RFX3: variants seen among roughly 807,000 people sequenced by gnomAD.
RFX3 encodes transcription factor RFX3.
RFX3 carries 14 observed loss-of-function variants against 98.6 expected under a neutral mutation model. The ratio of observed to expected loss-of-function variants is 0.14; its 90% CI spans 0.09 to 0.22. RFX3 has a LOEUF of 0.22. RFX3 is among the 10% of genes least tolerant of loss of function. The pLI is 1.00. For synonymous variants in RFX3, 383 were observed against 328.4 expected (o/e 1.17, Z -1.80); for missense variants, 639 against 926.9 (o/e 0.69, Z 4.03).
At chr9:3,441,177 CATT>C (rs1429383691) in intron 1 of RFX3, among the ~76,000 whole-genome samples, 5 of 152,076 alleles carry the variant, frequency 3.3e-5, no homozygotes, top group Non-Finnish European at 5.9e-5. Context: ...CCATGTTTCT[CATT>C]GTTGGATAGA....
intron 1 of RFX3, among the ~76,000 whole-genome samples, chr9:3,522,995 C>A (rs575037044): frequency 6.6e-6 from 1 of 152,190 alleles, no homozygotes; most frequent in East Asian, 1.9e-4. Flanking sequence ...ACAAAAAAAA[C>A]TAACCATCAC....
At chr9:3,261,710 G>C (rs113869683) in intron 13 of RFX3, among the ~76,000 whole-genome samples, 65 of 152,130 alleles carry the variant, frequency 4.3e-4, no homozygotes, top group African/African-American at 1.4e-3. Flanking sequence ...TTATCTTTTT[G>C]ACAAACTGCC....
chr9:3,295,652 A>G (rs750473436), intron 5 of RFX3, among the ~76,000 whole-genome samples: 1 of 152,134 alleles, frequency 6.6e-6, no homozygotes, highest in Non-Finnish European at 1.5e-5. Flanking sequence ...AATGCCAAAG[A>G]TATGTTTGTA....
intron 1 of RFX3, among the ~76,000 whole-genome samples, chr9:3,425,910 A>G: frequency 6.6e-6 from 1 of 152,180 alleles, no homozygotes; most frequent in Middle Eastern, 3.2e-3. Context: ...TCTTAATAGC[A>G]TGTTGGAGAT....
chr9:3,247,493 G>A (rs964965569), intron 15 of RFX3: 37 of 705,238 alleles, frequency 5.2e-5, no homozygotes, highest in Middle Eastern at 6.6e-4. Context: ...AAAGTAGAAC[G>A]TATCTCAAAG....
rs143893875 is a variant in RFX3, at chr9:3,295,650, A to C, written c.550-2392T>G. On this transcript the variant is annotated intron_variant, in intron 5 of 16. Transcript: ENST00000617270. The stretch of plus-strand genomic sequence containing the variant: ...AATATGTGTAAGTTAAAAATGCCAA[A>C]GATATGTTTGTAAGTACATCTACAT... Among the ~76,000 whole-genome samples, 486 of 152,260 alleles carry C rather than the reference A, an allele frequency of 3.2e-3. 3 individuals are homozygous for C. The highest frequency in any genetic ancestry group is 0.011 in the African/African-American group (472 of 41,580).
rs144958161 is a variant in RFX3, at chr9:3,358,901, G to A, written c.118-12137C>T. 1.8e-3 allele frequency among the ~76,000 whole-genome samples: 279 copies of A among 152,134 alleles called. 1 individual carries two copies. Among genetic ancestry groups the A allele is most frequent in the African/African-American group, 6.4e-3 (265 of 41,498 alleles). On this transcript the variant is annotated intron_variant, in intron 2 of 16. Transcript: ENST00000617270. ...CCCTTATAAAACCATCAGATCTCAT[G>A]AGAACTCACTCACTAACATGGGAAC...
At chr9:3,278,106 G>GT (rs1825467765) in intron 7 of RFX3, among the ~76,000 whole-genome samples, 1 of 151,818 alleles carries the variant, frequency 6.6e-6, no homozygotes, top group Non-Finnish European at 1.5e-5. Flanking sequence ...TTAAAGTTAT[G>GT]TATCTTCAGG....
intron 2 of RFX3, among the ~76,000 whole-genome samples, chr9:3,388,282 C>T (rs553989364): frequency 2.0e-5 from 3 of 152,092 alleles, no homozygotes; most frequent in Admixed American, 1.3e-4. Flanking sequence ...TTTGTAGATA[C>T]CCAAAATAAA....
chr9:3,225,360 T>C, intron 16 of RFX3, 80 bp from the exon 17 acceptor site: 2 of 1,563,728 alleles, frequency 1.3e-6, no homozygotes, highest in East Asian at 4.5e-5. Flanking sequence ...AGAAACACTT[T>C]AATATAGGAC....
intron 1 of RFX3, among the ~76,000 whole-genome samples, chr9:3,467,988 T>C (rs866352073): frequency 5.9e-5 from 9 of 152,274 alleles, no homozygotes; most frequent in Middle Eastern, 6.8e-3. Context: ...GCCAGAATAT[T>C]TTTTGAGTAC....
At chr9:3,272,713 TTA>T (rs1824662920) in intron 9 of RFX3, among the ~76,000 whole-genome samples, 1 of 152,294 alleles carries the variant, frequency 6.6e-6, no homozygotes, top group Non-Finnish European at 1.5e-5. Flanking sequence ...ACATAATACC[TTA>T]TATAGTTCTA....
At chr9:3,449,275 A>T (rs897479232) in intron 1 of RFX3, among the ~76,000 whole-genome samples, 1 of 152,110 alleles carries the variant, frequency 6.6e-6, no homozygotes, top group African/African-American at 2.4e-5. Context: ...TCAACATTTC[A>T]AAATTACTTC....
intron 3 of RFX3, among the ~76,000 whole-genome samples, 186 bp downstream of exon 3, chr9:3,346,481 A>C (rs1834452945): frequency 6.6e-6 from 1 of 152,210 alleles, no homozygotes; most frequent in Non-Finnish European, 1.5e-5. Context: ...AAGTGAAAGG[A>C]AAATGAGTGC....
At chr9:3,327,712 T>C (rs1015051676) in intron 4 of RFX3, among the ~76,000 whole-genome samples, 2 of 152,128 alleles carry the variant, frequency 1.3e-5, no homozygotes, top group South Asian at 2.1e-4. Flanking sequence ...ACAACTGATA[T>C]TATAAATTGG....
intron 15 of RFX3, among the ~76,000 whole-genome samples, chr9:3,242,024 C>A (rs1342343918): frequency 1.3e-5 from 2 of 152,288 alleles, no homozygotes; most frequent in Non-Finnish European, 2.9e-5. Context: ...GGGAGTTGCA[C>A]ATAATCCCTA....
intron 2 of RFX3, chr9:3,364,321 G>C (rs536913186): frequency 6.5e-6 from 1 of 154,486 alleles, no homozygotes; most frequent in African/African-American, 2.4e-5. Context: ...ATAATCATGG[G>C]ATACACCTTA....
At chr9:3,239,066 A>T (rs1819565981) in intron 15 of RFX3, among the ~76,000 whole-genome samples, 1 of 152,008 alleles carries the variant, frequency 6.6e-6, no homozygotes. Context: ...GCTATTCTGG[A>T]TGTTTTTGAT....
At chr9:3,425,906 T>C (rs1843971654) in intron 1 of RFX3, among the ~76,000 whole-genome samples, 1 of 152,216 alleles carries the variant, frequency 6.6e-6, no homozygotes, top group African/African-American at 2.4e-5. Flanking sequence ...TATTTCTTAA[T>C]AGCATGTTGG....
Sources: allele counts gnomAD v4.1 joint callset (sites outside exome capture counted in the v4.1 genomes callset), GRCh38; gene constraint gnomAD v4.1.1; transcripts MANE v1.5; gene names NCBI Gene and HGNC (gene_info 2026-07-23, HGNC 2026-07-21).